The following ZNF180 variants were observed in gnomAD, a reference collection of about 807,000 sequenced individuals.
ZNF180 encodes the protein zinc finger protein 180 (HHZ168).
A neutral mutation model predicts 11.8 loss-of-function variants in ZNF180; 11 were observed. That is an observed-to-expected ratio of 0.93 (90% CI 0.59 to 1.55). ZNF180 has a LOEUF of 1.55. ZNF180 is among the 40% of genes most tolerant of loss of function. The pLI is 0.00. For missense variants in ZNF180, 773 were observed against 781.7 expected, an observed-to-expected ratio of 0.99 and a Z score of 0.13; for synonymous variants, 287 against 257.7, an observed-to-expected ratio of 1.11 and a Z score of -1.09.
At chr19:44,500,214 C>T (rs1179439322) in intron 1 of ZNF180, 61 bp downstream of exon 1, 1 of 1,614,182 alleles carries the variant, frequency 6.2e-7, no homozygotes, top group Non-Finnish European at 8.5e-7. Flanking sequence ...TTCCAGCTTC[C>T]CGCGTAGACC....
At chr19:44,494,823 T>C (rs891321487) in intron 2 of ZNF180, among the ~76,000 whole-genome samples, 6 of 152,154 alleles carry the variant, frequency 3.9e-5, no homozygotes, top group East Asian at 3.9e-4. Context: ...CAATGCTATT[T>C]GTAACAGCAA....
At chr19:44,500,211 T>C (rs760420969) in intron 1 of ZNF180, 64 bp downstream of exon 1, 3 of 1,614,146 alleles carry the variant, frequency 1.9e-6, no homozygotes, top group East Asian at 4.5e-5. Context: ...CGCTTCCAGC[T>C]TCCCGCGTAG....
intron 2 of ZNF180, among the ~76,000 whole-genome samples, chr19:44,486,366 C>T (rs1568429824): frequency 6.6e-6 from 1 of 152,134 alleles, no homozygotes; most frequent in Non-Finnish European, 1.5e-5. Context: ...TTTTCAAAAC[C>T]ACTTATTTTA....
chr19:44,482,862 A>G (rs1291021694), intron 3 of ZNF180, among the ~76,000 whole-genome samples: 4 of 152,232 alleles, frequency 2.6e-5, no homozygotes, highest in African/African-American at 9.7e-5. Context: ...CAGAGAAATT[A>G]AGACATATGC....
chr19:44,492,366 G>C (rs533634482), intron 2 of ZNF180, among the ~76,000 whole-genome samples: 31 of 135,536 alleles, frequency 2.3e-4, no homozygotes, highest in Admixed American at 1.2e-3. Context: ...TGTATGCTCT[G>C]GAGCATCTTT....
chr19:44,496,240 TAC>T (rs1356676327), intron 2 of ZNF180, among the ~76,000 whole-genome samples: 2 of 151,916 alleles, frequency 1.3e-5, no homozygotes, highest in Non-Finnish European at 2.9e-5. Flanking sequence ...GCTGGTCCTG[TAC>T]TCCTGGCCTC....
chr19:44,489,522 A>T (rs1970367498), intron 2 of ZNF180, among the ~76,000 whole-genome samples: 1 of 109,020 alleles, frequency 9.2e-6, no homozygotes, highest in South Asian at 4.0e-4. Flanking sequence ...TGCTTTGTTA[A>T]ACAGATGCTT....
intron 1 of ZNF180, among the ~76,000 whole-genome samples, chr19:44,497,818 G>C (rs1970631498): frequency 6.6e-6 from 1 of 152,010 alleles, no homozygotes; most frequent in African/African-American, 2.4e-5. Context: ...TTCTTCCTAG[G>C]GCCAGAATCA....
intron 2 of ZNF180, among the ~76,000 whole-genome samples, chr19:44,494,169 A>G (rs779577847): frequency 6.6e-5 from 10 of 152,240 alleles, no homozygotes; most frequent in Non-Finnish European, 1.0e-4. Context: ...CGTGCAGGGC[A>G]GTGCTGTCTG....
At chr19:44,494,336 C>CCT (rs1970524046) in intron 2 of ZNF180, among the ~76,000 whole-genome samples, 2 of 152,018 alleles carry the variant, frequency 1.3e-5, no homozygotes, top group Non-Finnish European at 2.9e-5. Flanking sequence ...ACACCTAGTG[C>CCT]CTCGCTTAAA....
At position 44,476,760 on chromosome 19, in the gene ZNF180, T is replaced by C; in HGVS notation, c.1640A>G (p.Glu547Gly). 6.2e-7 allele frequency: 1 copy of C among 1,614,166 alleles called. No individual in the cohort carries two copies. The highest frequency in any genetic ancestry group is 2.2e-5 in the East Asian group (1 of 44,864). ...LVMHQRIHTGEKPYECNQCGK... is the reference protein window; with the variant it reads ...LVMHQRIHTGGKPYECNQCGK... ...ACACTGATTACATTCATACGGTTTT[T>C]CCCCAGTGTGAATTCTCTGATGCAT... Residue 547 changes from glutamate to glycine, a missense_variant, in exon 5 of 5, where the codon GAA becomes GGA. Transcript: ENST00000592529.
At chr19:44,486,753 A>C (rs1970239466) in intron 2 of ZNF180, among the ~76,000 whole-genome samples, 2 of 152,110 alleles carry the variant, frequency 1.3e-5, no homozygotes, top group Non-Finnish European at 2.9e-5. Flanking sequence ...CAAAATATAT[A>C]AAATAGGCCG....
At chr19:44,480,053 C>G (rs1025139322) in intron 3 of ZNF180, among the ~76,000 whole-genome samples, 2 of 152,204 alleles carry the variant, frequency 1.3e-5, no homozygotes, top group Non-Finnish European at 2.9e-5. Context: ...ACTTGGCTTT[C>G]TCACCTATAA....
At chr19:44,499,587 AG>A (rs1230600526) in intron 1 of ZNF180, among the ~76,000 whole-genome samples, 1 of 152,136 alleles carries the variant, frequency 6.6e-6, no homozygotes, top group Non-Finnish European at 1.5e-5. Flanking sequence ...AGACACCCCC[AG>A]GACGTGCAGG....
At chr19:44,484,730 G>A in intron 2 of ZNF180, 1 of 452,960 alleles carries the variant, frequency 2.2e-6, no homozygotes, top group Admixed American at 3.4e-5. Context: ...AAGACACTAA[G>A]GAGCACTAAG....
rs888433929 is a variant in ZNF180, at chr19:44,477,515, A to T, written c.885T>A (p.Ile295=). 6.2e-7 allele frequency: 1 copy of T among 1,614,106 alleles called. No individual in the cohort carries two copies. Among genetic ancestry groups the T allele is most frequent in the South Asian group, 1.1e-5 (1 of 91,066 alleles). ...ATTTATATTGACTCTCTTCAAAAGG[A>T]ATTCTCTGTTGTTCATTATGGGATA... ...PKISHNEQQR[I]PFEESQYKCS... is the part of the protein sequence containing the mutation. Residue 295 remains isoleucine, a synonymous_variant, in exon 5 of 5, where the codon ATT becomes ATA. Coordinates refer to ENST00000592529, the MANE Select transcript of ZNF180 (RefSeq NM_001278509.3).
rs2123424153 is a variant in ZNF180 at position 44,476,160 on chromosome 19, A to G, written c.*242T>C. On this transcript the variant is annotated 3_prime_UTR_variant, in exon 5 of 5. Transcript: ENST00000592529. Reference sequence around the variant, plus strand: ...AAAAGTGCCAGTATTTATTATTTTCATAGGAATATGTCATAAGAATCAAGT... The same window carrying G: ...AAAAGTGCCAGTATTTATTATTTTCGTAGGAATATGTCATAAGAATCAAGT... 1 of 381,174 alleles carries G rather than the reference A, an allele frequency of 2.6e-6. No individual in the cohort carries two copies. The highest frequency in any genetic ancestry group is 4.7e-6 in the Non-Finnish European group (1 of 214,876). 23.6% of individuals were successfully genotyped at this position (381,174 alleles called of 1,614,324 possible).
intron 3 of ZNF180, among the ~76,000 whole-genome samples, chr19:44,482,791 G>A (rs1272815305): frequency 1.3e-5 from 2 of 152,198 alleles, no homozygotes; most frequent in African/African-American, 4.8e-5. Flanking sequence ...AATTCTCAAA[G>A]GGCTCCTGTG....
rs1491256732 is a variant in ZNF180 at position 44,476,710 on chromosome 19, CAT to C, written c.1688_1689del (p.Tyr563CysfsTer16). On this transcript the variant is annotated frameshift_variant, in exon 5 of 5. Transcript: ENST00000592529. LOFTEE classifies it low-confidence loss of function (END_TRUNC). ...NQCGKSFSQS[Y>X]VLVVHQRTHT... is the part of the protein sequence containing the mutation. The stretch of plus-strand genomic sequence containing the variant: ...TGAGTTCTCTGATGTACAACAAGAA[CAT>C]AACTCTGGCTGAAGGATTTCCCACA... 5 of 1,613,964 alleles carry C rather than the reference CAT, an allele frequency of 3.1e-6. No individual in the cohort carries two copies. The African/African-American group carries it at 6.7e-5, about 22-fold the overall frequency.
Sources: gnomAD v4.1 joint callset for allele counts (sites outside exome capture counted in the v4.1 genomes callset) on GRCh38, gnomAD v4.1.1 for gene constraint, MANE v1.5 for transcripts, NCBI Gene and HGNC (gene_info 2026-07-23, HGNC 2026-07-21) for gene names.